Variants in BLTP1 observed in about 807,000 individuals in gnomAD.
BLTP1 encodes the protein fragile site-associated protein.
chr4:122,189,045 A>G, the BLTP1 span: 29 of 984,724 alleles, frequency 2.9e-5, no homozygotes, highest in African/African-American at 4.4e-4. Context: ...TGTGCACACA[A>G]ATGTGTATGA....
chr4:122,307,985 A>G, the BLTP1 span: 1 of 1,613,296 alleles, frequency 6.2e-7, no homozygotes, highest in Non-Finnish European at 8.5e-7. Flanking sequence ...GCCGCCTATG[A>G]CAACTGGAAT....
chr4:122,203,412 C>G, the BLTP1 span, among the ~76,000 whole-genome samples: 3 of 151,788 alleles, frequency 2.0e-5, no homozygotes, highest in Non-Finnish European at 4.4e-5. Flanking sequence ...AATACACTGG[C>G]ATTGAAAAGC....
chr4:122,279,982 G>A, the BLTP1 span: 5 of 1,613,868 alleles, frequency 3.1e-6, no homozygotes, highest in Non-Finnish European at 4.2e-6. Context: ...CTTCTACAGC[G>A]TAAGTTATTT....
the BLTP1 span, among the ~76,000 whole-genome samples, chr4:122,242,680 G>A: frequency 1.3e-5 from 2 of 152,074 alleles, no homozygotes; most frequent in Admixed American, 6.5e-5. Context: ...GGTTGGTTTT[G>A]CTAGGAGAAG....
At chr4:122,199,505 A>C in the BLTP1 span, 1 of 1,425,656 alleles carries the variant, frequency 7.0e-7, no homozygotes, top group Non-Finnish European at 9.8e-7. Context: ...AATTGATTTT[A>C]ATTTTCTTAT....
chr4:122,301,646 A>T, the BLTP1 span, among the ~76,000 whole-genome samples: 2 of 152,170 alleles, frequency 1.3e-5, no homozygotes, highest in East Asian at 3.8e-4. Flanking sequence ...TCCATATTAG[A>T]ATATTTAGAT....
the BLTP1 span, among the ~76,000 whole-genome samples, chr4:122,215,840 C>T: frequency 6.6e-6 from 1 of 151,172 alleles, no homozygotes; most frequent in African/African-American, 2.5e-5. Context: ...CCTCACCCCC[C>T]CCATCCTTCC....
chr4:122,246,920 T>A, the BLTP1 span: 1 of 1,481,962 alleles, frequency 6.7e-7, no homozygotes, highest in Non-Finnish European at 9.0e-7. Flanking sequence ...ATGTTAAAAC[T>A]CAGAACTGGT....
chr4:122,184,904 C>T, the BLTP1 span: 5 of 983,670 alleles, frequency 5.1e-6, no homozygotes, highest in South Asian at 4.7e-5. Context: ...GAAATCTGCC[C>T]CTAATATTCT....
At chr4:122,257,623 C>T in the BLTP1 span, 1 of 830,342 alleles carries the variant, frequency 1.2e-6, no homozygotes, top group Non-Finnish European at 1.9e-6. Flanking sequence ...AGTTAATATA[C>T]CTCTTTAAAA....
chr4:122,169,869 T>C, the BLTP1 span: 26 of 984,930 alleles, frequency 2.6e-5, no homozygotes, highest in Non-Finnish European at 3.1e-5. Flanking sequence ...CATGGAATAA[T>C]GGAGAATACA....
the BLTP1 span, chr4:122,312,807 A>T: frequency 3.7e-6 from 3 of 803,704 alleles, no homozygotes; most frequent in Non-Finnish European, 4.5e-6. Context: ...AGTAAGCTCA[A>T]ATTTAAGTAA....
At chr4:122,270,994 C>T in the BLTP1 span, 1 of 1,548,962 alleles carries the variant, frequency 6.5e-7, no homozygotes, top group Non-Finnish European at 8.7e-7. Context: ...AAAACCGTGT[C>T]CTTTTTTTAT....
At chr4:122,160,083 A>G in the BLTP1 span, among the ~76,000 whole-genome samples, 1 of 152,210 alleles carries the variant, frequency 6.6e-6, no homozygotes, top group Non-Finnish European at 1.5e-5. Flanking sequence ...ATTTATGTGC[A>G]CAAAGATGCT....
the BLTP1 span, among the ~76,000 whole-genome samples, chr4:122,155,580 TC>T: frequency 1.3e-5 from 2 of 152,184 alleles, no homozygotes; most frequent in Non-Finnish European, 2.9e-5. Context: ...CGCCTCGGCT[TC>T]CCTAAGTGGT....
At chr4:122,332,743 CTAG>C in the BLTP1 span, among the ~76,000 whole-genome samples, 73 of 141,868 alleles carry the variant, frequency 5.1e-4, no homozygotes, top group Non-Finnish European at 9.8e-4. Flanking sequence ...AACTCGTCAT[CTAG>C]CATTAGGTAT....
At chr4:122,326,158 TA>T in the BLTP1 span, among the ~76,000 whole-genome samples, 10 of 151,566 alleles carry the variant, frequency 6.6e-5, no homozygotes, top group South Asian at 4.2e-4. Flanking sequence ...AACCAAATCA[TA>T]AAAAAAACTA....
the BLTP1 span, chr4:122,197,815 G>A: frequency 4.5e-6 from 1 of 224,360 alleles, no homozygotes; most frequent in Non-Finnish European, 7.4e-6. Flanking sequence ...GATGATCTAA[G>A]TTGATCATGC....
chr4:122,207,018 T>G, the BLTP1 span: 1 of 1,220,222 alleles, frequency 8.2e-7, no homozygotes, highest in Non-Finnish European at 1.1e-6. Flanking sequence ...AAAAGAAAAA[T>G]TCATTTTTGA....
Sources: gnomAD v4.1 joint callset for allele counts (sites outside exome capture counted in the v4.1 genomes callset) on GRCh38, gnomAD v4.1.1 for gene constraint, MANE v1.5 for transcripts, NCBI Gene and HGNC (gene_info 2026-07-23, HGNC 2026-07-21) for gene names.